PCDHGA10: variants seen among roughly 807,000 people sequenced by gnomAD.
The protein encoded by PCDHGA10 is protocadherin gamma subfamily A, 10, also known as protocadherin gamma-A10.
PCDHGA10 carries 42 observed loss-of-function variants against 59.5 expected under a neutral mutation model. That is an observed-to-expected ratio of 0.71 (90% CI 0.55 to 0.91). The LOEUF is 0.91. PCDHGA10 is among the 40% of genes least tolerant of loss of function. The pLI is 0.00. For synonymous variants in PCDHGA10, 511 were observed against 517.2 expected (o/e 0.99, Z 0.16); for missense variants, 1,111 against 1,198.2 (o/e 0.93, Z 1.07).
chr5:141,413,687 T>A lies in PCDHGA10; in HGVS notation c.512T>A (p.Leu171Gln), dbSNP rs1470256826. ...GATCCGGATGTGGGCGTGAACTCCCTGCAGAGCTATCAGCTCAGCCCCAAT... is the reference window on the plus strand; with the variant it reads ...GATCCGGATGTGGGCGTGAACTCCCAGCAGAGCTATCAGCTCAGCCCCAAT... The part of the protein sequence containing the change: ...AIDPDVGVNS[L>Q]QSYQLSPNKH... The change falls in exon 1 of 4, where the codon CTG (leucine) becomes CAG (glutamine). Residue 171 changes from leucine (L) to glutamine (Q), a missense_variant. Leu to Gln is a moderately radical substitution (Grantham distance 113). Coordinates refer to ENST00000398610, the MANE Select transcript of PCDHGA10 (RefSeq NM_018913.3). The A allele has an allele frequency of 3.1e-6, 5 of 1,613,666 alleles. No homozygotes were observed. Among genetic ancestry groups the A allele is most frequent in the Non-Finnish European group, 3.4e-6 (4 of 1,179,882 alleles).
chr5:141,500,894 C>G (rs1221911920), intron 2 of PCDHGA10, among the ~76,000 whole-genome samples: 1 of 150,982 alleles, frequency 6.6e-6, no homozygotes, highest in African/African-American at 2.4e-5. Flanking sequence ...TTTTTTGAGA[C>G]AGTCTCGCTC....
At chr5:141,452,000 A>G (rs2098730428) in intron 1 of PCDHGA10, among the ~76,000 whole-genome samples, 1 of 152,198 alleles carries the variant, frequency 6.6e-6, no homozygotes, top group Admixed American at 6.5e-5. Flanking sequence ...AAGCAAAATC[A>G]CTTGGTCCAG....
At chr5:141,421,754 A>G (rs1230343518) in intron 1 of PCDHGA10, 4 of 1,613,918 alleles carry the variant, frequency 2.5e-6, no homozygotes, top group East Asian at 2.2e-5. Context: ...CTCAGCCCTA[A>G]TAATTACTTT....
At chr5:141,506,103 C>T (rs1001709380) in intron 3 of PCDHGA10, among the ~76,000 whole-genome samples, 2 of 152,144 alleles carry the variant, frequency 1.3e-5, no homozygotes, top group Admixed American at 1.3e-4. Context: ...GTGGTTGTCC[C>T]TGAAGAGTCA....
chr5:141,446,771 A>G (rs1008985621), intron 1 of PCDHGA10, among the ~76,000 whole-genome samples: 3 of 152,158 alleles, frequency 2.0e-5, no homozygotes, highest in Admixed American at 2.0e-4. Flanking sequence ...CCAGCCGGTT[A>G]CCATTCTTTT....
At chr5:141,423,139 G>T (rs2096713828) in intron 1 of PCDHGA10, 4 of 1,613,498 alleles carry the variant, frequency 2.5e-6, no homozygotes, top group Non-Finnish European at 3.4e-6. Flanking sequence ...GGACAGAGAC[G>T]CGCTCAAGCA....
Position 141,431,872 on chromosome 5 carries a change from A to G in PCDHGA10, c.2436+16261A>G, listed in dbSNP as rs2097425104. 5 of 1,614,222 alleles carry G rather than the reference A, an allele frequency of 3.1e-6. No individual in the cohort carries two copies. The highest frequency in any genetic ancestry group is 4.2e-6 in the Non-Finnish European group (5 of 1,180,002). ...GGACATTAATTGCCCTTTTAAATGT[A>G]AATGACCAAGATTCTGAGGAAAACG... On this transcript the variant is annotated intron_variant, in intron 1 of 3. Transcript: ENST00000398610. The surrounding 1 kb of genome is among the most constrained non-coding windows in gnomAD (Gnocchi z 4.8).
rs2097456240 is a variant in PCDHGA10, at chr5:141,432,134, G to T, written c.2436+16523G>T. 3 of 1,613,756 alleles carry T rather than the reference G, an allele frequency of 1.9e-6. No individual in the cohort carries two copies. The highest frequency in any genetic ancestry group is 1.3e-5 in the African/African-American group (1 of 74,800). On this transcript the variant is annotated intron_variant, in intron 1 of 3. Coordinates refer to ENST00000398610, the MANE Select transcript of PCDHGA10 (RefSeq NM_018913.3). This position sits in a 1 kb window ranked among gnomAD's most constrained non-coding sequence, Gnocchi z 6.0. The stretch of plus-strand genomic sequence containing the variant: ...GGTCTTCCCTCAGGCCTCCTATTCC[G>T]CTTATATCCCAGAGAACAATCCCAG...
intron 1 of PCDHGA10, among the ~76,000 whole-genome samples, chr5:141,433,766 G>A (rs2097649774): frequency 6.6e-6 from 1 of 151,888 alleles, no homozygotes; most frequent in South Asian, 2.1e-4. Flanking sequence ...TAACCTGGGA[G>A]GTGGAGGTTG....
At chr5:141,464,976 A>G (rs2154568682) in intron 1 of PCDHGA10, among the ~76,000 whole-genome samples, 1 of 152,214 alleles carries the variant, frequency 6.6e-6, no homozygotes, top group East Asian at 1.9e-4. Flanking sequence ...TACTGGCTTC[A>G]AGTGATCCTC....
chr5:141,459,580 G>C (rs1364413383), intron 1 of PCDHGA10, among the ~76,000 whole-genome samples: 1 of 152,118 alleles, frequency 6.6e-6, no homozygotes, highest in Non-Finnish European at 1.5e-5. Flanking sequence ...GAATTGTTTT[G>C]GGGGTCATAT....
chr5:141,420,911 T>C (rs948220220), intron 1 of PCDHGA10: 6 of 313,968 alleles, frequency 1.9e-5, no homozygotes, highest in Admixed American at 1.8e-4. Flanking sequence ...CAAATACGTG[T>C]GATTCACAAA....
At position 141,511,238 on chromosome 5, in the gene PCDHGA10, G is replaced by A; in HGVS notation, c.*65G>A. ...CAACCAGCCCAGCTTCTCCTTACCT[G>A]CACCCAGGCCTCAGAGTTTCAGGGC... On this transcript the variant is annotated 3_prime_UTR_variant, in exon 4 of 4. Coordinates refer to ENST00000398610, the MANE Select transcript of PCDHGA10 (RefSeq NM_018913.3). 6.3e-7 allele frequency: 1 copy of A among 1,589,142 alleles called. No homozygotes were observed. The highest frequency in any genetic ancestry group is 2.3e-5 in the East Asian group (1 of 43,302).
chr5:141,486,161 A>G lies in PCDHGA10; in HGVS notation c.2437-8646A>G. 1 of 1,614,216 alleles carries G rather than the reference A, an allele frequency of 6.2e-7. No individual in the cohort carries two copies. The highest frequency in any genetic ancestry group is 8.5e-7 in the Non-Finnish European group (1 of 1,180,038). ...GGCTCGCGATGGGGGTTCTCCAGCC[A>G]TGGAGCAACATTGCAGCCTTCGAGT... On this transcript the variant is annotated intron_variant, in intron 1 of 3. Coordinates refer to ENST00000398610, the MANE Select transcript of PCDHGA10 (RefSeq NM_018913.3). The surrounding 1 kb of genome is among the most constrained non-coding windows in gnomAD (Gnocchi z 5.0).
Position 141,414,781 on chromosome 5 carries a change from G to T in PCDHGA10, c.1606G>T (p.Val536Leu). 2 of 1,614,230 alleles carry T rather than the reference G, an allele frequency of 1.2e-6. No individual in the cohort carries two copies. The highest frequency in any genetic ancestry group is 1.7e-6 in the Non-Finnish European group (2 of 1,180,054). The change falls in exon 1 of 4, where the codon GTG (valine) becomes TTG (leucine). Residue 536 changes from valine (V) to leucine (L), a missense_variant. Physicochemically the swap from Val to Leu is conservative, Grantham distance 32. Transcript: ENST00000398610. ...YEQFHELQMQ[V>L]TASDSGDPPL... Reference sequence around the variant, plus strand: ...GCAGTTTCATGAGCTACAGATGCAGGTGACAGCCAGCGACAGCGGGGATCC... The same window carrying T: ...GCAGTTTCATGAGCTACAGATGCAGTTGACAGCCAGCGACAGCGGGGATCC...
intron 1 of PCDHGA10, among the ~76,000 whole-genome samples, chr5:141,492,964 C>CT (rs2099745347): frequency 6.6e-6 from 1 of 152,354 alleles, no homozygotes; most frequent in Non-Finnish European, 1.5e-5. Context: ...ATCTGACACT[C>CT]TAACAAGTCC....
intron 1 of PCDHGA10, chr5:141,421,226 C>A (rs368125665): frequency 3.7e-5 from 58 of 1,584,718 alleles, no homozygotes; most frequent in Non-Finnish European, 4.6e-5. Context: ...TTAGAGCCTG[C>A]CATGGCGAAT....
chr5:141,478,399 T>C, intron 1 of PCDHGA10: 1 of 1,613,514 alleles, frequency 6.2e-7, no homozygotes, highest in South Asian at 1.1e-5. Flanking sequence ...ATCAGGTGTA[T>C]CTCACCACGG....
At chr5:141,421,318 C>A (rs370020854) in intron 1 of PCDHGA10, 1 of 1,613,822 alleles carries the variant, frequency 6.2e-7, no homozygotes. Context: ...CCGGGCCAGG[C>A]AGATCCGATA....
Sources: gnomAD v4.1 joint callset for allele counts (sites outside exome capture counted in the v4.1 genomes callset) on GRCh38, gnomAD v4.1.1 for gene constraint, Gnocchi (gnomAD v3.1) non-coding constraint, MANE v1.5 for transcripts, NCBI Gene and HGNC (gene_info 2026-07-23, HGNC 2026-07-21) for gene names.